Variants in SYNJ1 observed in about 807,000 individuals in gnomAD.
The protein encoded by SYNJ1 is synaptojanin 1.
SYNJ1 carries 78 observed loss-of-function variants against 168.2 expected under a neutral mutation model. That is an observed-to-expected ratio of 0.46 (90% CI 0.39 to 0.56). SYNJ1 has a LOEUF of 0.56. SYNJ1 is among the 20% of genes least tolerant of loss of function. The pLI is 0.00. For synonymous variants in SYNJ1, 539 were observed against 548.6 expected (o/e 0.98, Z 0.24); for missense variants, 1,303 against 1,597.6 (o/e 0.82, Z 3.14).
Position 32,645,806 on chromosome 21 carries a change from A to T in SYNJ1, c.3248-17T>A. On this transcript the variant is annotated splice_polypyrimidine_tract_variant and intron_variant, in intron 24 of 32. Transcript: ENST00000674351. Reference sequence around the variant, plus strand: ...TAGGAGAACCTAAAAAGCGCACAGGAGGTAAGAAGATCAGCTTCTAAGTAG... The same window carrying T: ...TAGGAGAACCTAAAAAGCGCACAGGTGGTAAGAAGATCAGCTTCTAAGTAG... The T allele has an allele frequency of 6.7e-7, 1 of 1,498,618 alleles. No individual in the cohort carries two copies. The highest frequency in any genetic ancestry group is 8.9e-7 in the Non-Finnish European group (1 of 1,120,718). The allele number at this position is 1,498,618 out of a possible 1,614,324, so 92.8% of individuals were successfully genotyped here. A position where few individuals can be genotyped will look rare whatever the true frequency, so the allele number is the denominator to read the frequency against.
intron 15 of SYNJ1, 110 bp downstream of exon 15, chr21:32,670,178 C>A (rs915161878): frequency 2.4e-6 from 2 of 825,878 alleles, no homozygotes; most frequent in East Asian, 2.7e-5. Flanking sequence ...TTTACGAGCA[C>A]CCTTCCATTT....
At position 32,645,165 on chromosome 21, in the gene SYNJ1, A is replaced by G. The variant is rs1159650578; in HGVS notation, c.3392-159T>C. Among the ~76,000 whole-genome samples, 3 of 152,232 alleles carry G rather than the reference A, an allele frequency of 2.0e-5. No homozygotes were observed. The East Asian group carries it at 5.8e-4, about 29-fold the overall frequency. ...ACTATTATTCAATGCATATGCTTATAATTGAAGTAACAGCACTATATTTAA... is the reference window on the plus strand; with the variant it reads ...ACTATTATTCAATGCATATGCTTATGATTGAAGTAACAGCACTATATTTAA... On this transcript the variant is annotated intron_variant, in intron 25 of 32. Transcript: ENST00000674351.
intron 10 of SYNJ1, among the ~76,000 whole-genome samples, chr21:32,683,794 A>C (rs960239353): frequency 8.5e-5 from 13 of 152,146 alleles, no homozygotes; most frequent in African/African-American, 3.1e-4. Flanking sequence ...AGCAGATTTT[A>C]AAAGGGAGAA....
At chr21:32,667,392 T>C (rs1303609505) in intron 15 of SYNJ1, among the ~76,000 whole-genome samples, 1 of 152,184 alleles carries the variant, frequency 6.6e-6, no homozygotes, top group Non-Finnish European at 1.5e-5. Flanking sequence ...ATTTTGCCAA[T>C]CTATTTTTTC....
intron 3 of SYNJ1, among the ~76,000 whole-genome samples, 176 bp downstream of exon 3, chr21:32,701,785 C>T (rs1163530676): frequency 6.6e-6 from 1 of 152,110 alleles, no homozygotes; most frequent in Admixed American, 6.5e-5. Context: ...TGTAGCACGC[C>T]TTTTTGGGCA....
chr21:32,687,124 T>G (rs756156902), intron 7 of SYNJ1, 50 bp from the exon 8 acceptor site: 32 of 958,044 alleles, frequency 3.3e-5, no homozygotes, highest in Non-Finnish European at 4.4e-5. Flanking sequence ...GAAGCCCAAT[T>G]TTTTCAATAA....
chr21:32,687,745 T>C (rs1282463418), intron 7 of SYNJ1, among the ~76,000 whole-genome samples: 3 of 152,134 alleles, frequency 2.0e-5, no homozygotes, highest in Non-Finnish European at 2.9e-5. Context: ...CAAGTCCACT[T>C]ATATATGGAT....
chr21:32,660,794 A>G (rs555504012), intron 18 of SYNJ1, among the ~76,000 whole-genome samples: 1 of 152,314 alleles, frequency 6.6e-6, no homozygotes, highest in South Asian at 2.1e-4. Context: ...TATAAGGAAA[A>G]GGGCCTGTTA....
intron 2 of SYNJ1, among the ~76,000 whole-genome samples, chr21:32,720,691 C>T (rs140544545): frequency 1.3e-5 from 2 of 152,342 alleles, no homozygotes; most frequent in African/African-American, 4.8e-5. Flanking sequence ...TTCATCCTTA[C>T]TCCCATGCTA....
chr21:32,639,200 TAGG>T, intron 30 of SYNJ1, 75 bp from the exon 31 acceptor site: 1 of 1,361,748 alleles, frequency 7.3e-7, no homozygotes, highest in East Asian at 2.3e-5. Context: ...AGTGAAATGT[TAGG>T]AGAACATTCT....
chr21:32,670,208 G>T, intron 15 of SYNJ1, 80 bp downstream of exon 15: 1 of 1,136,052 alleles, frequency 8.8e-7, no homozygotes, highest in Non-Finnish European at 1.3e-6. Flanking sequence ...AACTATCCTT[G>T]TAACAATTAC....
chr21:32,719,244 G>C (rs2043130315), intron 2 of SYNJ1, among the ~76,000 whole-genome samples: 1 of 152,232 alleles, frequency 6.6e-6, no homozygotes, highest in Non-Finnish European at 1.5e-5. Context: ...CTGGAAACCA[G>C]CCAAACTATT....
intron 4 of SYNJ1, 74 bp downstream of exon 4, chr21:32,699,763 AG>A: frequency 1.3e-6 from 2 of 1,523,112 alleles, no homozygotes; most frequent in Non-Finnish European, 1.8e-6. Context: ...TGTCACGGTG[AG>A]GAGGTTTTTG....
intron 11 of SYNJ1, 104 bp downstream of exon 11, chr21:32,681,392 C>CTA: frequency 7.7e-7 from 1 of 1,293,130 alleles, no homozygotes; most frequent in East Asian, 2.4e-5. Context: ...TAAGACACAT[C>CTA]TATTAATTTA....
chr21:32,724,198 G>C (rs1413348325), intron 2 of SYNJ1, among the ~76,000 whole-genome samples: 1 of 152,012 alleles, frequency 6.6e-6, no homozygotes, highest in Non-Finnish European at 1.5e-5. Context: ...TATAAAAAAT[G>C]ATTTTAGGGC....
intron 23 of SYNJ1, among the ~76,000 whole-genome samples, chr21:32,647,701 G>C (rs548027633): frequency 6.6e-6 from 1 of 152,052 alleles, no homozygotes; most frequent in Non-Finnish European, 1.5e-5. Flanking sequence ...TCCATTGCAC[G>C]TGCTTGACAT....
At chr21:32,711,166 C>T (rs2042815293) in intron 2 of SYNJ1, among the ~76,000 whole-genome samples, 1 of 152,098 alleles carries the variant, frequency 6.6e-6, no homozygotes, top group African/African-American at 2.4e-5. Flanking sequence ...CCTCGTTAAG[C>T]TACTGGAAGG....
At chr21:32,668,758 G>A (rs577246107) in intron 15 of SYNJ1, among the ~76,000 whole-genome samples, 1 of 152,228 alleles carries the variant, frequency 6.6e-6, no homozygotes, top group South Asian at 2.1e-4. Flanking sequence ...TTATAATATG[G>A]ATTCAGAACA....
intron 18 of SYNJ1, among the ~76,000 whole-genome samples, chr21:32,662,795 T>TGC (rs1238828408): frequency 4.6e-5 from 7 of 152,138 alleles, no homozygotes; most frequent in Non-Finnish European, 8.8e-5. Flanking sequence ...AAGGATCCAG[T>TGC]GCAGCTTCAG....
Sources: allele counts gnomAD v4.1 joint callset (sites outside exome capture counted in the v4.1 genomes callset), GRCh38; gene constraint gnomAD v4.1.1; transcripts MANE v1.5; gene names NCBI Gene and HGNC (gene_info 2026-07-23, HGNC 2026-07-21).